Variants in FHIT observed in about 807,000 individuals in gnomAD.
The protein encoded by FHIT is fragile histidine triad diadenosine triphosphatase, also known as bis(5'-adenosyl)-triphosphatase.
In FHIT, 19 loss-of-function variants were observed where a neutral mutation model predicts 17.9. The observed-to-expected ratio is 1.06, with a 90% CI of 0.74 to 1.56. The LOEUF (loss-of-function observed/expected upper bound fraction) is 1.56, where lower values mean the gene tolerates loss of function less well. Among genes scored for constraint, FHIT ranks in the 40% most tolerant of loss-of-function variants. The probability of loss-of-function intolerance (pLI) is 0.00; values close to 1 mark genes in which losing one functional copy is unlikely to be tolerated. For missense variants in FHIT, 248 were observed against 189.2 expected (o/e 1.31, Z -1.82); for synonymous variants, 81 against 69.7 (o/e 1.16, Z -0.81).
At chr3:61,238,092 CA>C (rs1449671272) in intron 1 of FHIT, among the ~76,000 whole-genome samples, 2 of 152,136 alleles carry the variant, frequency 1.3e-5, no homozygotes, top group African/African-American at 2.4e-5. Flanking sequence ...ACAGCACCAA[CA>C]ATTGTCCCTG....
chr3:60,544,816 C>T (rs374531467), intron 4 of FHIT, among the ~76,000 whole-genome samples: 3 of 152,008 alleles, frequency 2.0e-5, no homozygotes, highest in East Asian at 1.9e-4. Flanking sequence ...AGGCTGGTCT[C>T]GAACTCCTAA....
At chr3:60,593,630 T>A (rs2038165941) in intron 4 of FHIT, among the ~76,000 whole-genome samples, 1 of 152,120 alleles carries the variant, frequency 6.6e-6, no homozygotes, top group Non-Finnish European at 1.5e-5. Context: ...TAACTGCAAA[T>A]GGCTGCCACC....
intron 4 of FHIT, among the ~76,000 whole-genome samples, chr3:60,713,367 A>C (rs1406319411): frequency 1.3e-5 from 2 of 151,340 alleles, no homozygotes; most frequent in Non-Finnish European, 2.9e-5. Flanking sequence ...AGTTAAAAGA[A>C]CTAGAAAAGC....
intron 5 of FHIT, among the ~76,000 whole-genome samples, chr3:60,054,341 T>C (rs948074007): frequency 2.0e-5 from 3 of 152,190 alleles, no homozygotes; most frequent in African/African-American, 7.2e-5. Context: ...AAACACTTTA[T>C]GTGTGTGAGA....
At chr3:59,816,459 TC>T (rs1700603584) in intron 8 of FHIT, among the ~76,000 whole-genome samples, 1 of 152,178 alleles carries the variant, frequency 6.6e-6, no homozygotes, top group South Asian at 2.1e-4. Context: ...GAAGGAACAT[TC>T]CATGTGATGC....
chr3:60,503,880 A>C (rs934468833), intron 5 of FHIT, among the ~76,000 whole-genome samples: 2 of 152,180 alleles, frequency 1.3e-5, no homozygotes, highest in Non-Finnish European at 2.9e-5. Context: ...TTTTTACTTC[A>C]TACTTTTGTG....
chr3:59,882,845 C>G (rs992766569), intron 8 of FHIT, among the ~76,000 whole-genome samples: 1 of 152,212 alleles, frequency 6.6e-6, no homozygotes, highest in African/African-American at 2.4e-5. Flanking sequence ...GTGTTGAACA[C>G]ATAAGCCTAA....
At chr3:59,967,612 A>C (rs1707986441) in intron 7 of FHIT, among the ~76,000 whole-genome samples, 1 of 152,160 alleles carries the variant, frequency 6.6e-6, no homozygotes, top group Admixed American at 6.6e-5. Context: ...GTAAAATTCT[A>C]AAATGCACTG....
Position 60,473,456 on chromosome 3 carries a change from G to T in FHIT, c.103+63404C>A, listed in dbSNP as rs117245369. Among the ~76,000 whole-genome samples the T allele has an allele frequency of 3.3e-5, 5 of 152,182 alleles. No homozygotes were observed. In the East Asian group the frequency reaches 9.7e-4, roughly 29 times the overall value. On this transcript the variant is annotated intron_variant, in intron 5 of 9. Transcript: ENST00000492590. ...GAATGTGAGAGACATTATCAAGAGA[G>T]AATAAATACAATGTGAAGAGACAAC...
At chr3:59,825,022 GTA>G (rs1700926935) in intron 8 of FHIT, among the ~76,000 whole-genome samples, 2 of 152,320 alleles carry the variant, frequency 1.3e-5, no homozygotes, top group East Asian at 3.9e-4. Flanking sequence ...GCAGCACTGT[GTA>G]TGTTTTGGTA....
At chr3:60,862,833 CAG>C (rs1431016630) in intron 3 of FHIT, among the ~76,000 whole-genome samples, 8 of 138,978 alleles carry the variant, frequency 5.8e-5, no homozygotes, top group Admixed American at 3.1e-4. Context: ...GCTTGGGCGA[CAG>C]AGTGAAACTC....
chr3:60,411,136 C>T (rs540499596), intron 5 of FHIT, among the ~76,000 whole-genome samples: 11 of 152,156 alleles, frequency 7.2e-5, no homozygotes, highest in Admixed American at 3.3e-4. Context: ...CATCATAGAA[C>T]GATCTAAGAT....
intron 8 of FHIT, among the ~76,000 whole-genome samples, chr3:59,823,646 A>G (rs1015873056): frequency 2.0e-5 from 3 of 152,200 alleles, no homozygotes; most frequent in Non-Finnish European, 2.9e-5. Context: ...AAAATCCAGC[A>G]TTGCTTTATG....
intron 8 of FHIT, among the ~76,000 whole-genome samples, chr3:59,901,638 T>C (rs767797372): frequency 5.3e-5 from 8 of 152,172 alleles, no homozygotes; most frequent in Non-Finnish European, 1.0e-4. Flanking sequence ...TAACAAGTAC[T>C]AGTGAAGGTA....
chr3:60,543,142 A>G (rs2036240304), intron 4 of FHIT, among the ~76,000 whole-genome samples: 1 of 152,074 alleles, frequency 6.6e-6, no homozygotes. Flanking sequence ...CAGGCCACAC[A>G]ATGTCTGTTG....
intron 6 of FHIT, among the ~76,000 whole-genome samples, chr3:60,013,059 A>G (rs1304199483): frequency 6.6e-6 from 1 of 152,196 alleles, no homozygotes; most frequent in African/African-American, 2.4e-5. Context: ...ATTTGGGGGA[A>G]GTTTAGCTAC....
chr3:59,842,760 T>C lies in FHIT; in HGVS notation c.348+79586A>G, dbSNP rs191560130. On this transcript the variant is annotated intron_variant, in intron 8 of 9. Transcript: ENST00000492590. Reference sequence around the variant, plus strand: ...TTGCGCATTTTTGAATCAGTGATTTTTGTTGTTGTTGCTGAGTTTTAGGAA... The same window carrying C: ...TTGCGCATTTTTGAATCAGTGATTTCTGTTGTTGTTGCTGAGTTTTAGGAA... Among the ~76,000 whole-genome samples, 11 of 152,242 alleles carry C rather than the reference T, an allele frequency of 7.2e-5. No individual in the cohort carries two copies. The East Asian group carries it at 2.1e-3, about 29-fold the overall frequency.
In FHIT at chr3:60,890,137, TCA is replaced by T. The variant is rs1399087316; in HGVS notation, c.-110-68128_-110-68127del. Among the ~76,000 whole-genome samples, 4 of 150,538 alleles carry T rather than the reference TCA, an allele frequency of 2.7e-5. No homozygotes were observed. In the East Asian group the frequency reaches 5.9e-4, roughly 22 times the overall value. On this transcript the variant is annotated intron_variant, in intron 3 of 9. Coordinates refer to ENST00000492590, the MANE Select transcript of FHIT (RefSeq NM_002012.4). ...CTATGGCCCATTGAGTGCACAGATG[TCA>T]CAGTGTTCTACTTCCAGGTAGTCCT...
chr3:61,178,798 C>T (rs1180160813), intron 2 of FHIT, among the ~76,000 whole-genome samples: 2 of 151,870 alleles, frequency 1.3e-5, no homozygotes, highest in Non-Finnish European at 2.9e-5. Context: ...TGGTATAAAT[C>T]ACTGTCAAAT....
Sources: gnomAD v4.1 joint callset for allele counts (sites outside exome capture counted in the v4.1 genomes callset) on GRCh38, gnomAD v4.1.1 for gene constraint, MANE v1.5 for transcripts, NCBI Gene and HGNC (gene_info 2026-07-23, HGNC 2026-07-21) for gene names.